The following F11 variants were observed in gnomAD, a reference collection of about 807,000 sequenced individuals.
The protein encoded by F11 is coagulation factor XI, also known as coagualtion factor XI.
A neutral mutation model predicts 76.5 loss-of-function variants in F11; 78 were observed. The observed-to-expected ratio is 1.02, with a 90% CI of 0.85 to 1.23. The LOEUF (loss-of-function observed/expected upper bound fraction) is 1.23, where lower values mean the gene tolerates loss of function less well. F11 is among the 50% of genes most tolerant of loss of function. The pLI, the probability that F11 is intolerant of heterozygous loss-of-function variation, is 0.00. For synonymous variants in F11, 278 were observed against 276.3 expected, an observed-to-expected ratio of 1.01 and a Z score of -0.06; for missense variants, 742 against 771.4, an observed-to-expected ratio of 0.96 and a Z score of 0.45.
intron 2 of F11, among the ~76,000 whole-genome samples, chr4:186,269,944 T>C (rs1039106185): frequency 6.6e-6 from 1 of 152,090 alleles, no homozygotes; most frequent in African/African-American, 2.4e-5. Flanking sequence ...TCAAGAAACA[T>C]AATACGTAAT....
rs1233281446 is a variant in F11 at position 186,288,994 on chromosome 4, A to G, written c.*380A>G. 3.6e-6 allele frequency: 1 copy of G among 278,388 alleles called. No homozygotes were observed. The highest frequency in any genetic ancestry group is 9.0e-5 in the East Asian group (1 of 11,158). 17.2% of individuals were successfully genotyped at this position (278,388 alleles called of 1,614,324 possible). On this transcript the variant is annotated 3_prime_UTR_variant, in exon 15 of 15. Transcript: ENST00000403665. ...ACCATAAATAGATTTGTTCGATGAAAGATGAAAACTGGAAGAAAGGAGAAC... is the reference window on the plus strand; with the variant it reads ...ACCATAAATAGATTTGTTCGATGAAGGATGAAAACTGGAAGAAAGGAGAAC...
At chr4:186,278,595 C>T (rs1580085770) in intron 7 of F11, among the ~76,000 whole-genome samples, 7 of 152,068 alleles carry the variant, frequency 4.6e-5, no homozygotes, top group Admixed American at 4.6e-4. Context: ...GTGAAGGAGT[C>T]AGTGATAGCA....
intron 7 of F11, 42 bp from the exon 8 acceptor site, chr4:186,279,970 G>A: frequency 6.9e-7 from 1 of 1,453,640 alleles, no homozygotes; most frequent in Non-Finnish European, 9.7e-7. Context: ...GTTTTTATGT[G>A]TTTGATATGA....
intron 4 of F11, 125 bp from the exon 5 acceptor site, chr4:186,273,991 T>C: frequency 9.8e-7 from 1 of 1,016,318 alleles, no homozygotes; most frequent in South Asian, 1.3e-5. Context: ...TGCAGATTAA[T>C]ATAACGAAAG....
chr4:186,287,726 T>C lies in F11; in HGVS notation c.1619T>C (p.Val540Ala), dbSNP rs1561492306. Residue 540 changes from valine to alanine, a missense_variant, in exon 14 of 15, where the codon GTG (valine) becomes GCG (alanine). Physicochemically the swap from Val to Ala is moderately conservative, Grantham distance 64 (BLOSUM62 0). Coordinates refer to ENST00000403665, the MANE Select transcript of F11 (RefSeq NM_000128.4). ...CTCCAGAAAGCCAAGATACCCTTAG[T>C]GACCAACGAAGAGTGCCAGAAGAGA... is the stretch of plus-strand genomic sequence containing the variant. ...NTLQKAKIPL[V>A]TNEECQKRYR... The C allele has an allele frequency of 1.9e-6, 3 of 1,613,606 alleles. No individual in the cohort carries two copies. Among genetic ancestry groups the C allele is most frequent in the South Asian group, 2.2e-5 (2 of 91,060 alleles).
At chr4:186,276,752 A>AT (rs1240976301) in intron 7 of F11, among the ~76,000 whole-genome samples, 3 of 151,160 alleles carry the variant, frequency 2.0e-5, no homozygotes, top group East Asian at 2.0e-4. Flanking sequence ...ACGCCCAGTA[A>AT]TTTTTTTTGT....
chr4:186,283,010 C>G (rs2126768437), intron 10 of F11: 1 of 985,334 alleles, frequency 1.0e-6, no homozygotes, highest in South Asian at 4.7e-5. Flanking sequence ...TAGACTCCTC[C>G]CTTAGCTCAG....
intron 7 of F11, among the ~76,000 whole-genome samples, chr4:186,277,162 CTTTCTG>C (rs1197356551): frequency 1.3e-5 from 2 of 152,160 alleles, no homozygotes; most frequent in South Asian, 2.1e-4. Flanking sequence ...CAATATTTGA[CTTTCTG>C]TTTCTGAGTT....
intron 1 of F11, 84 bp from the exon 2 acceptor site, chr4:186,267,052 A>G: frequency 1.1e-6 from 1 of 876,694 alleles, no homozygotes; most frequent in Non-Finnish European, 1.9e-6. Context: ...CTCTCTCCCT[A>G]TTTCTTGTAA....
chr4:186,283,299 T>C lies in F11; in HGVS notation c.1136-793T>C, dbSNP rs575443634. Among the ~76,000 whole-genome samples the C allele has an allele frequency of 6.6e-5, 10 of 152,124 alleles. No homozygotes were observed. The South Asian group carries it at 2.1e-3, about 32-fold the overall frequency. ...ATACTGCTGTCTACGAACACCCTATTCCCATCCATCTGTGTTCCATGGCTC... is the reference window on the plus strand; with the variant it reads ...ATACTGCTGTCTACGAACACCCTATCCCCATCCATCTGTGTTCCATGGCTC... On this transcript the variant is annotated intron_variant, in intron 10 of 14. Coordinates refer to ENST00000403665, the MANE Select transcript of F11 (RefSeq NM_000128.4).
At chr4:186,272,090 C>T (rs1161516272) in intron 3 of F11, among the ~76,000 whole-genome samples, 1 of 151,840 alleles carries the variant, frequency 6.6e-6, no homozygotes, top group Non-Finnish European at 1.5e-5. Context: ...TTTTGTCGTG[C>T]TTCTCAACAA....
intron 6 of F11, 93 bp downstream of exon 6, chr4:186,275,989 TG>T: frequency 9.1e-7 from 1 of 1,103,540 alleles, no homozygotes; most frequent in South Asian, 1.3e-5. Flanking sequence ...ATGCTCACGA[TG>T]AAACGGACCC....
At chr4:186,273,407 A>G (rs1740128498) in intron 4 of F11, among the ~76,000 whole-genome samples, 1 of 152,106 alleles carries the variant, frequency 6.6e-6, no homozygotes, top group African/African-American at 2.4e-5. Context: ...CTCACTTCCC[A>G]TCATTTATTT....
chr4:186,288,355 GACA>G, intron 14 of F11, 95 bp from the exon 15 acceptor site: 1 of 1,506,810 alleles, frequency 6.6e-7, no homozygotes, highest in Non-Finnish European at 9.2e-7. Context: ...AAGGGGCCAA[GACA>G]ACATTTTAGG....
rs1352976946 is a variant in F11 at position 186,280,247 on chromosome 4, A to G, written c.890A>G (p.His297Arg). The G allele has an allele frequency of 1.9e-6, 3 of 1,614,154 alleles. No individual in the cohort carries two copies. The highest frequency in any genetic ancestry group is 2.2e-5 in the East Asian group (1 of 44,890). ...GTGTTCTGCCATTCTTCATTTTACC[A>G]TGACACTGATTTCTTGGGAGAAGAA... Reference protein sequence around the residue: ...IPVFCHSSFYHDTDFLGEELD... With the variant: ...IPVFCHSSFYRDTDFLGEELD... Residue 297 changes from histidine (H) to arginine (R), a missense_variant, in exon 9 of 15, where the codon CAT becomes CGT. His to Arg is a conservative substitution (Grantham distance 29, BLOSUM62 0). Transcript: ENST00000403665.
chr4:186,290,317 T>C (rs963198011), downstream of F11, among the ~76,000 whole-genome samples: 2 of 152,002 alleles, frequency 1.3e-5, no homozygotes, highest in African/African-American at 4.8e-5. Context: ...AGATCAAAAA[T>C]GCTGACAGGT....
intron 10 of F11, chr4:186,281,969 G>T (rs896724857): frequency 7.9e-7 from 1 of 1,267,054 alleles, no homozygotes; most frequent in African/African-American, 1.5e-5. Context: ...TCTCTGGATG[G>T]CTCAAGACTT....
At chr4:186,283,019 A>C (rs1389994039) in intron 10 of F11, 11 of 985,378 alleles carry the variant, frequency 1.1e-5, no homozygotes, top group East Asian at 2.3e-4. Context: ...CCCTTAGCTC[A>C]GGACGCGGAG....
Position 186,287,967 on chromosome 4 carries a change from C to G in F11, c.1716+144C>G, listed in dbSNP as rs1019341416. On this transcript the variant is annotated intron_variant, in intron 14 of 14. Coordinates refer to ENST00000403665, the MANE Select transcript of F11 (RefSeq NM_000128.4). Reference sequence around the variant, plus strand: ...TTGCCCAGGCTGGAGTGCAGTGGCTCGATCTCAGCTCACTGCAAGCTCTGC... The same window carrying G: ...TTGCCCAGGCTGGAGTGCAGTGGCTGGATCTCAGCTCACTGCAAGCTCTGC... The G allele has an allele frequency of 4.4e-6, 4 of 900,142 alleles. No homozygotes were observed. The Admixed American group carries it at 8.5e-5, about 19-fold the overall frequency. 55.8% of individuals were successfully genotyped at this position (900,142 alleles called of 1,614,324 possible). A position where few individuals can be genotyped will look rare whatever the true frequency, so the allele number is the denominator to read the frequency against.
Sources: gnomAD v4.1 joint callset for allele counts (sites outside exome capture counted in the v4.1 genomes callset) on GRCh38, gnomAD v4.1.1 for gene constraint, MANE v1.5 for transcripts, NCBI Gene and HGNC (gene_info 2026-07-23, HGNC 2026-07-21) for gene names.